The following MGAT4C variants were observed in gnomAD, a reference collection of about 807,000 sequenced individuals.
MGAT4C encodes alpha-1,3-mannosyl-glycoprotein 4-beta-N-acetylglucosaminyltransferase C.
In MGAT4C, 19 loss-of-function variants were observed where a neutral mutation model predicts 40.1. The ratio of observed to expected loss-of-function variants is 0.47; its 90% CI spans 0.33 to 0.70. The LOEUF (loss-of-function observed/expected upper bound fraction) is 0.70. Among genes scored for constraint, MGAT4C ranks in the 30% least tolerant of loss-of-function variants. The pLI, the probability that MGAT4C is intolerant of heterozygous loss-of-function variation, is 0.02. For synonymous variants in MGAT4C, 181 were observed against 187.1 expected (o/e 0.97, Z 0.27); for missense variants, 491 against 563.2 (o/e 0.87, Z 1.30).
chr12:86,688,271 C>T (rs1328483159), intron 2 of MGAT4C, among the ~76,000 whole-genome samples: 1 of 150,062 alleles, frequency 6.7e-6, no homozygotes, highest in East Asian at 2.0e-4. Flanking sequence ...CTGAATACAG[C>T]ACACCGATGG....
intron 2 of MGAT4C, among the ~76,000 whole-genome samples, chr12:86,694,508 C>T (rs147650764): frequency 3.9e-5 from 6 of 152,044 alleles, no homozygotes; most frequent in Non-Finnish European, 5.9e-5. Flanking sequence ...AGAATTAGTA[C>T]ATTACTAGTA....
chr12:86,308,036 C>G (rs1221642714), intron 4 of MGAT4C, among the ~76,000 whole-genome samples: 1 of 150,222 alleles, frequency 6.7e-6, no homozygotes, highest in Admixed American at 6.6e-5. Context: ...TATTTTTGTA[C>G]AATTTTTATA....
At chr12:86,673,445 G>A (rs978320090) in intron 2 of MGAT4C, among the ~76,000 whole-genome samples, 5 of 151,878 alleles carry the variant, frequency 3.3e-5, no homozygotes, top group African/African-American at 2.4e-5. Context: ...ACACACATGC[G>A]CAAGCGCACA....
intron 2 of MGAT4C, among the ~76,000 whole-genome samples, chr12:86,654,349 T>C (rs1383642087): frequency 4.0e-5 from 6 of 151,602 alleles, no homozygotes; most frequent in African/African-American, 2.4e-5. Flanking sequence ...GGGGTTTTTT[T>C]TTTTCCTGAC....
intron 2 of MGAT4C, among the ~76,000 whole-genome samples, chr12:86,457,001 T>A (rs1957520764): frequency 6.6e-6 from 1 of 152,134 alleles, no homozygotes; most frequent in African/African-American, 2.4e-5. Context: ...TCTTCCTGAA[T>A]AATTGAGCTG....
At chr12:86,612,229 A>ATTCT (rs1232762138) in intron 2 of MGAT4C, among the ~76,000 whole-genome samples, 53 of 152,124 alleles carry the variant, frequency 3.5e-4, no homozygotes, top group African/African-American at 1.2e-3. Flanking sequence ...ATTTTATTAT[A>ATTCT]ATATTTTCTA....
chr12:86,528,780 TC>T (rs1385395574), intron 2 of MGAT4C, among the ~76,000 whole-genome samples: 61 of 152,186 alleles, frequency 4.0e-4, no homozygotes, highest in African/African-American at 1.4e-3. Context: ...ATATTTATTT[TC>T]CTTTCACTCC....
intron 1 of MGAT4C, among the ~76,000 whole-genome samples, chr12:86,052,545 GT>G: frequency 1.3e-5 from 2 of 151,928 alleles, no homozygotes; most frequent in South Asian, 4.2e-4. Flanking sequence ...CATAAAAGCA[GT>G]TTCCTTCATG....
At chr12:86,303,613 C>A (rs1302381950) in intron 4 of MGAT4C, among the ~76,000 whole-genome samples, 1 of 149,300 alleles carries the variant, frequency 6.7e-6, no homozygotes, top group African/African-American at 2.5e-5. Flanking sequence ...AAATCAAATT[C>A]TTTTCTCTGG....
intron 1 of MGAT4C, among the ~76,000 whole-genome samples, chr12:86,221,313 G>C (rs1010934607): frequency 6.6e-6 from 1 of 151,984 alleles, no homozygotes; most frequent in African/African-American, 2.4e-5. Context: ...TTAAATACTT[G>C]TATGTGGCTA....
At chr12:86,671,026 G>C (rs1964243735) in intron 2 of MGAT4C, among the ~76,000 whole-genome samples, 1 of 152,114 alleles carries the variant, frequency 6.6e-6, no homozygotes, top group Non-Finnish European at 1.5e-5. Context: ...TCTTGTAGTG[G>C]TATTTCCATT....
intron 1 of MGAT4C, among the ~76,000 whole-genome samples, chr12:86,100,651 T>C (rs900748260): frequency 6.6e-6 from 1 of 151,528 alleles, no homozygotes; most frequent in Non-Finnish European, 1.5e-5. Flanking sequence ...ATATTCATAA[T>C]TGGTAAATTT....
upstream of MGAT4C, among the ~76,000 whole-genome samples, chr12:86,261,330 C>T (rs879758862): frequency 2.0e-4 from 30 of 152,174 alleles, no homozygotes; most frequent in Middle Eastern, 3.4e-3. Context: ...TGCTATGATG[C>T]AAACATGAAT....
rs149644836 is a variant in MGAT4C at position 86,537,896 on chromosome 12, G to T, written c.-228-102631C>A. ...CAGCTCAGGAGTTCAAGACCAGGCT[G>T]GCCAACATGGCAAAACCCCGTCTCT... On this transcript the variant is annotated intron_variant, in intron 2 of 7. Coordinates refer to the MGAT4C transcript ENST00000548651. 5.8e-3 allele frequency among the ~76,000 whole-genome samples: 886 copies of T among 152,176 alleles called. 4 individuals carry two copies. The highest frequency in any genetic ancestry group is 8.5e-3 in the Non-Finnish European group (575 of 68,010).
At chr12:86,453,715 A>G (rs1212984269) in intron 2 of MGAT4C, among the ~76,000 whole-genome samples, 5 of 152,140 alleles carry the variant, frequency 3.3e-5, no homozygotes, top group Admixed American at 2.6e-4. Context: ...CAATATAGGC[A>G]AGAATGGGAA....
At chr12:86,494,969 T>C (rs1246634707) in intron 2 of MGAT4C, among the ~76,000 whole-genome samples, 1 of 152,160 alleles carries the variant, frequency 6.6e-6, no homozygotes, top group African/African-American at 2.4e-5. Flanking sequence ...GTATTTCTAA[T>C]AAAACCGAAA....
intron 1 of MGAT4C, among the ~76,000 whole-genome samples, chr12:86,187,670 T>G (rs1037376304): frequency 2.6e-5 from 4 of 151,378 alleles, no homozygotes; most frequent in Non-Finnish European, 5.9e-5. Context: ...AACGGGCAAA[T>G]AAGCAGAAAA....
At chr12:86,142,853 C>T (rs1009262521) in intron 1 of MGAT4C, among the ~76,000 whole-genome samples, 6 of 151,932 alleles carry the variant, frequency 3.9e-5, no homozygotes, top group African/African-American at 9.7e-5. Context: ...ACCACCAATG[C>T]AACTGTATTT....
At chr12:86,415,077 T>G (rs543645529) in intron 3 of MGAT4C, among the ~76,000 whole-genome samples, 1 of 152,126 alleles carries the variant, frequency 6.6e-6, no homozygotes, top group South Asian at 2.1e-4. Context: ...CAGCAGATAA[T>G]CTATGGGAAA....
Sources: gnomAD v4.1 joint callset for allele counts (sites outside exome capture counted in the v4.1 genomes callset) on GRCh38, gnomAD v4.1.1 for gene constraint, MANE v1.5 for transcripts, NCBI Gene and HGNC (gene_info 2026-07-23, HGNC 2026-07-21) for gene names.